XIRP2: variants seen among roughly 807,000 people sequenced by gnomAD.
XIRP2 encodes the protein xin actin-binding repeat-containing protein 2.
Under a neutral mutation model 277.0 loss-of-function variants are expected in XIRP2, and 236 were observed. The ratio of observed to expected loss-of-function variants is 0.85; its 90% CI spans 0.77 to 0.95. The LOEUF (loss-of-function observed/expected upper bound fraction) is 0.95, where lower values mean the gene tolerates loss of function less well. Ranked by LOEUF, XIRP2 falls within the 40% of genes least tolerant of loss-of-function variation. The pLI, the probability that XIRP2 is intolerant of heterozygous loss-of-function variation, is 0.00. For synonymous variants in XIRP2, 1,490 were observed against 1,416.5 expected, an observed-to-expected ratio of 1.05 and a Z score of -1.17; for missense variants, 4,640 against 4,157.5, an observed-to-expected ratio of 1.12 and a Z score of -3.19.
In XIRP2 at chr2:166,889,080, C is replaced by G. The variant is rs577962634; in HGVS notation, c.-19+523C>G. Among the ~76,000 whole-genome samples, 24 of 152,240 alleles carry G rather than the reference C, an allele frequency of 1.6e-4. No homozygotes were observed. In the South Asian group the frequency reaches 2.5e-3, roughly 16 times the overall value. ...AGCTGACAGCCCCATTCTGAATAAG[C>G]ATTCAGGCACACAGACCAGGGTGGT... is the stretch of plus-strand genomic sequence containing the variant. On this transcript the variant is annotated intron_variant, in intron 1 of 10. Transcript: ENST00000409195.
chr2:167,144,197 C>T (rs1180158152), intron 3 of XIRP2, among the ~76,000 whole-genome samples: 1 of 151,958 alleles, frequency 6.6e-6, no homozygotes, highest in Non-Finnish European at 1.5e-5. Flanking sequence ...AACACATAAA[C>T]TTTTCTCTTT....
At chr2:167,211,639 C>T (rs1006290497) in intron 4 of XIRP2, among the ~76,000 whole-genome samples, 1 of 152,160 alleles carries the variant, frequency 6.6e-6, no homozygotes, top group Non-Finnish European at 1.5e-5. Context: ...CCTCCTTGGT[C>T]TCATATATGG....
chr2:167,119,879 A>G (rs1691003577), intron 2 of XIRP2, among the ~76,000 whole-genome samples: 1 of 152,148 alleles, frequency 6.6e-6, no homozygotes, highest in South Asian at 2.1e-4. Flanking sequence ...GTGCTGATCT[A>G]ATTGGCCTAT....
In XIRP2 at chr2:167,247,833, C is replaced by T; in HGVS notation, c.6441C>T (p.Thr2147=). 1.2e-6 allele frequency: 2 copies of T among 1,613,204 alleles called. No individual in the cohort carries two copies. Among genetic ancestry groups the T allele is most frequent in the Non-Finnish European group, 1.7e-6 (2 of 1,179,614 alleles). The change falls in exon 9 of 11, where the codon ACC becomes ACT. Residue 2147 remains threonine (T), a synonymous_variant. Coordinates refer to ENST00000409195, the MANE Select transcript of XIRP2 (RefSeq NM_152381.6). ...TTCATATAAAGAGTCCTAAAAAGACCAAAAATATTAAAATATTAACTGATA... is the reference window on the plus strand; with the variant it reads ...TTCATATAAAGAGTCCTAAAAAGACTAAAAATATTAAAATATTAACTGATA... ...EGFHIKSPKK[T]KNIKILTDTQ... is the part of the protein sequence containing the mutation.
chr2:167,139,540 A>G (rs1691651316), intron 3 of XIRP2, among the ~76,000 whole-genome samples: 1 of 152,144 alleles, frequency 6.6e-6, no homozygotes, highest in Non-Finnish European at 1.5e-5. Flanking sequence ...TATTCTTATA[A>G]TGGCCATTCA....
At chr2:167,038,749 A>G (rs1261798633) in intron 2 of XIRP2, among the ~76,000 whole-genome samples, 10 of 152,068 alleles carry the variant, frequency 6.6e-5, no homozygotes, top group Admixed American at 6.6e-4. Flanking sequence ...TGTTAGTGGC[A>G]TGATCCTCAT....
chr2:167,061,466 G>A (rs1689172454), intron 2 of XIRP2, among the ~76,000 whole-genome samples: 1 of 151,980 alleles, frequency 6.6e-6, no homozygotes, highest in African/African-American at 2.4e-5. Flanking sequence ...TTTACCATTA[G>A]TGGTAAGTTT....
chr2:167,240,958 A>G (rs961863957), intron 7 of XIRP2, among the ~76,000 whole-genome samples: 3 of 152,216 alleles, frequency 2.0e-5, no homozygotes, highest in African/African-American at 4.8e-5. Context: ...CATCAGTCCT[A>G]TGATATATCC....
chr2:166,917,929 A>G (rs1367153695), intron 2 of XIRP2, among the ~76,000 whole-genome samples: 2 of 152,060 alleles, frequency 1.3e-5, no homozygotes, highest in Non-Finnish European at 2.9e-5. Flanking sequence ...CCTATGACTG[A>G]TTTTCATACT....
chr2:167,166,511 T>C (rs529338264), intron 3 of XIRP2, among the ~76,000 whole-genome samples: 11 of 152,322 alleles, frequency 7.2e-5, no homozygotes, highest in African/African-American at 2.6e-4. Flanking sequence ...TTTGCGTTGC[T>C]ATGAAGAAGT....
intron 2 of XIRP2, among the ~76,000 whole-genome samples, chr2:167,106,867 T>C (rs1333902853): frequency 6.6e-6 from 1 of 151,494 alleles, no homozygotes; most frequent in Admixed American, 6.6e-5. Context: ...TCTGTAGTTT[T>C]AGCATAGAAG....
intron 2 of XIRP2, among the ~76,000 whole-genome samples, chr2:166,933,020 T>C (rs1685389551): frequency 6.6e-6 from 1 of 152,122 alleles, no homozygotes; most frequent in Non-Finnish European, 1.5e-5. Flanking sequence ...TGGCTGTATT[T>C]ATTCCTTCCT....
rs779932414 is a variant in XIRP2 at position 167,244,275 on chromosome 2, T to C, written c.2883T>C (p.Asp961=). Residue 961 remains aspartate (D), a synonymous_variant, in exon 9 of 11, where the codon GAT becomes GAC. Coordinates refer to ENST00000409195, the MANE Select transcript of XIRP2 (RefSeq NM_152381.6). ...AATCAAACAATTTAATTAAATTTGATGCATCACATAAAATAGAGGTGGAAG... is the reference window on the plus strand; with the variant it reads ...AATCAAACAATTTAATTAAATTTGACGCATCACATAAAATAGAGGTGGAAG... ...IFESNNLIKF[D]ASHKIEVEGV... The C allele has an allele frequency of 2.0e-5, 33 of 1,613,690 alleles. No individual in the cohort carries two copies. Among genetic ancestry groups the C allele is most frequent in the Non-Finnish European group, 2.2e-5 (26 of 1,179,866 alleles).
At chr2:167,011,857 C>G (rs1032317089) in intron 2 of XIRP2, among the ~76,000 whole-genome samples, 2 of 151,972 alleles carry the variant, frequency 1.3e-5, no homozygotes, top group Admixed American at 1.3e-4. Context: ...AGTTTATTTG[C>G]GAAGAGGTGT....
chr2:167,061,686 G>A (rs948577048), intron 2 of XIRP2, among the ~76,000 whole-genome samples: 3 of 151,948 alleles, frequency 2.0e-5, no homozygotes, highest in Non-Finnish European at 4.4e-5. Context: ...AAGAAGAAAG[G>A]AGACACATAG....
intron 1 of XIRP2, among the ~76,000 whole-genome samples, chr2:166,899,102 C>G (rs1312977782): frequency 1.3e-5 from 2 of 152,028 alleles, no homozygotes; most frequent in South Asian, 2.1e-4. Context: ...TCATGTCTTT[C>G]TATGAGTTAC....
At chr2:166,981,488 C>T (rs1188653991) in intron 2 of XIRP2, among the ~76,000 whole-genome samples, 2 of 151,606 alleles carry the variant, frequency 1.3e-5, no homozygotes, top group African/African-American at 4.8e-5. Context: ...GTGGCATGAT[C>T]TCAGCTCACT....
intron 3 of XIRP2, among the ~76,000 whole-genome samples, chr2:167,155,550 T>C (rs1692169238): frequency 6.6e-6 from 1 of 152,218 alleles, no homozygotes; most frequent in Admixed American, 6.5e-5. Flanking sequence ...TCAACAGCCC[T>C]TCATGTTAAA....
intron 2 of XIRP2, among the ~76,000 whole-genome samples, chr2:166,940,228 T>C (rs901605123): frequency 5.3e-5 from 8 of 152,256 alleles, no homozygotes; most frequent in Non-Finnish European, 1.0e-4. Flanking sequence ...TTTCTTCCAG[T>C]TGATCGAATC....
Sources: gnomAD v4.1 joint callset for allele counts (sites outside exome capture counted in the v4.1 genomes callset) on GRCh38, gnomAD v4.1.1 for gene constraint, MANE v1.5 for transcripts, NCBI Gene and HGNC (gene_info 2026-07-23, HGNC 2026-07-21) for gene names.